Variants in SCAND3 observed in about 807,000 individuals in gnomAD.
SCAND3 encodes SCAN domain-containing protein 3.
the SCAND3 span, among the ~76,000 whole-genome samples, chr6:28,596,981 T>C: frequency 6.6e-6 from 1 of 152,228 alleles, no homozygotes; most frequent in African/African-American, 2.4e-5. Context: ...TTATTGACAA[T>C]ATTTTTCTAT....
chr6:28,586,792 C>CT, the SCAND3 span: 53 of 1,328,156 alleles, frequency 4.0e-5, no homozygotes, highest in South Asian at 5.9e-4. The surrounding 1 kb of genome is among the most constrained non-coding windows in gnomAD (Gnocchi z 4.4). Context: ...ACTTGAGCTC[C>CT]TTTTTTGTTC....
chr6:28,573,269 T>C, the SCAND3 span: 32 of 1,614,038 alleles, frequency 2.0e-5, no homozygotes, highest in Admixed American at 1.5e-4. Context: ...CGTCGAGCTA[T>C]GGTGTCATTG....
chr6:28,578,250 A>G, the SCAND3 span, among the ~76,000 whole-genome samples: 12 of 152,312 alleles, frequency 7.9e-5, no homozygotes, highest in East Asian at 1.4e-3. Context: ...TTGTTCCAGT[A>G]AGGCTTCTTT....
At chr6:28,606,747 C>G in the SCAND3 span, among the ~76,000 whole-genome samples, 1 of 152,164 alleles carries the variant, frequency 6.6e-6, no homozygotes, top group African/African-American at 2.4e-5. Flanking sequence ...CTTTTGGAAA[C>G]GGAAGTGATT....
the SCAND3 span, among the ~76,000 whole-genome samples, chr6:28,593,975 C>T: frequency 6.6e-6 from 1 of 152,188 alleles, no homozygotes; most frequent in Non-Finnish European, 1.5e-5. Context: ...CCACCTCGGC[C>T]TCCCAAGGTG....
the SCAND3 span, chr6:28,573,915 G>A: frequency 7.4e-7 from 1 of 1,344,562 alleles, no homozygotes; most frequent in Non-Finnish European, 9.6e-7. Context: ...AACTAGATTT[G>A]ATTAAAATAA....
the SCAND3 span, among the ~76,000 whole-genome samples, chr6:28,583,402 C>CA: frequency 6.0e-4 from 59 of 98,574 alleles, no homozygotes; most frequent in South Asian, 5.5e-3. Flanking sequence ...AACAAACAAA[C>CA]AACAACAACA....
At chr6:28,584,580 C>A in the SCAND3 span, among the ~76,000 whole-genome samples, 3 of 152,156 alleles carry the variant, frequency 2.0e-5, no homozygotes, top group Non-Finnish European at 4.4e-5. Context: ...TCCTTTGTAG[C>A]CTTAAACCCC....
At chr6:28,592,758 T>G in the SCAND3 span, among the ~76,000 whole-genome samples, 2 of 152,076 alleles carry the variant, frequency 1.3e-5, no homozygotes, top group Non-Finnish European at 2.9e-5. This position sits in a 1 kb window ranked among gnomAD's most constrained non-coding sequence, Gnocchi z 4.1. Flanking sequence ...AGCCCAGAAA[T>G]AAACCCATGT....
chr6:28,574,142 G>A, the SCAND3 span, among the ~76,000 whole-genome samples: 8 of 152,250 alleles, frequency 5.3e-5, no homozygotes, highest in African/African-American at 1.9e-4. Context: ...TCAGTAAGAT[G>A]AGTCCATTAA....
the SCAND3 span, among the ~76,000 whole-genome samples, chr6:28,583,240 G>A: frequency 4.0e-5 from 6 of 151,858 alleles, no homozygotes; most frequent in South Asian, 2.1e-4. Context: ...AAAATTAGCC[G>A]GGCGTGGTGG....
chr6:28,572,591 C>A, the SCAND3 span: 2 of 1,614,062 alleles, frequency 1.2e-6, no homozygotes, highest in East Asian at 4.5e-5. This position sits in a 1 kb window ranked among gnomAD's most constrained non-coding sequence, Gnocchi z 4.1. Context: ...GCAAGTCTGG[C>A]TGTCCAATTC....
chr6:28,605,576 G>A, the SCAND3 span, among the ~76,000 whole-genome samples: 851 of 151,682 alleles, frequency 5.6e-3, 24 homozygotes, highest in Non-Finnish European at 1.7e-3. Context: ...GCTCATGCCT[G>A]TAATCCCAGC....
the SCAND3 span, among the ~76,000 whole-genome samples, chr6:28,595,195 CAAAAAAAAAAAAAAA>C: frequency 0.15 from 2,450 of 16,192 alleles, 92 homozygotes; most frequent in African/African-American, 0.23. Context: ...CCGTCACTAC[CAAAAAAAAAAAAAAA>C]AAAAAAAAAA....
the SCAND3 span, chr6:28,594,092 A>T: frequency 6.6e-6 from 1 of 152,354 alleles, no homozygotes; most frequent in African/African-American, 2.4e-5. Context: ...AGATGGTAAC[A>T]AGCGTTGACA....
At chr6:28,594,298 A>C in the SCAND3 span, 1 of 152,278 alleles carries the variant, frequency 6.6e-6, no homozygotes, top group Non-Finnish European at 1.5e-5. Context: ...TCTCATGTTC[A>C]TTGCAGTTAA....
chr6:28,575,954 G>T, the SCAND3 span: 1 of 1,613,266 alleles, frequency 6.2e-7, no homozygotes, highest in Non-Finnish European at 8.5e-7. This position sits in a 1 kb window ranked among gnomAD's most constrained non-coding sequence, Gnocchi z 4.2. Context: ...TTTATCAACT[G>T]ACAGTACTTT....
At chr6:28,602,357 C>T in the SCAND3 span, among the ~76,000 whole-genome samples, 24 of 152,166 alleles carry the variant, frequency 1.6e-4, no homozygotes, top group South Asian at 5.0e-3. Context: ...TACAGGTGCT[C>T]ACCACTACAC....
the SCAND3 span, among the ~76,000 whole-genome samples, chr6:28,583,665 T>C: frequency 2.6e-4 from 40 of 152,352 alleles, no homozygotes; most frequent in Admixed American, 2.1e-3. Context: ...TGTCATGAAG[T>C]GAAATCATGC....
Sources: allele counts gnomAD v4.1 joint callset (sites outside exome capture counted in the v4.1 genomes callset), GRCh38; gene constraint gnomAD v4.1.1; non-coding constraint Gnocchi (gnomAD v3.1); transcripts MANE v1.5; gene names NCBI Gene and HGNC (gene_info 2026-07-23, HGNC 2026-07-21).